ANKRD22: variants seen among roughly 807,000 people sequenced by gnomAD.
ANKRD22 encodes the protein ankyrin repeat domain-containing protein 22.
A neutral mutation model predicts 25.7 loss-of-function variants in ANKRD22; 24 were observed. The observed-to-expected ratio is 0.93, with a 90% CI of 0.68 to 1.31. The LOEUF is 1.31. Ranked by LOEUF, ANKRD22 falls within the 50% of genes most tolerant of loss-of-function variation. The pLI, the probability that ANKRD22 is intolerant of heterozygous loss-of-function variation, is 0.00. For synonymous variants in ANKRD22, 84 were observed against 84.3 expected (o/e 1.00, Z 0.02); for missense variants, 214 against 227.1 (o/e 0.94, Z 0.37).
rs889999918 is a variant in ANKRD22 at position 88,828,617 on chromosome 10, A to T, written c.263T>A (p.Ile88Asn). Residue 88 changes from isoleucine to asparagine, a missense_variant, in exon 3 of 6, where the codon ATT becomes AAT. Transcript: ENST00000371930. ...TAAGAGGATAATTAGTAGATAATCA[A>T]TGAAGGTAAATTTTTTCTTCACAGC... ...HYAVKKKFTF[I>N]DYLLIILLMP... The T allele has an allele frequency of 1.9e-6, 3 of 1,611,006 alleles. No individual in the cohort carries two copies. Among genetic ancestry groups the T allele is most frequent in the Non-Finnish European group, 2.5e-6 (3 of 1,178,376 alleles).
Position 88,851,624 on chromosome 10 carries a change from C to T in ANKRD22, c.-17G>A, listed in dbSNP as rs369226743. The T allele has an allele frequency of 1.2e-6, 2 of 1,613,116 alleles. No individual in the cohort carries two copies. The highest frequency in any genetic ancestry group is 1.7e-6 in the Non-Finnish European group (2 of 1,179,338). On this transcript the variant is annotated 5_prime_UTR_variant, in exon 1 of 6. Transcript: ENST00000371930. ...GATTCCCATGCTGGTCCTTCACAGG[C>T]TTACTTCACCTCTACAGCTCCTTGA...
chr10:88,830,162 C>T (rs1471138986), intron 2 of ANKRD22, among the ~76,000 whole-genome samples: 1 of 152,180 alleles, frequency 6.6e-6, no homozygotes, highest in Admixed American at 6.5e-5. Context: ...TTTTTGTCAA[C>T]ATTTCCAAAT....
At position 88,821,662 on chromosome 10, in the gene ANKRD22, C is replaced by T. The variant is rs1311965538; in HGVS notation, c.*1279G>A. ...CTTCATAAAATAAGTTTCTTAAATC[C>T]TGTACACAGTTGAATATATATTGCT... On this transcript the variant is annotated 3_prime_UTR_variant, in exon 6 of 6. Coordinates refer to ENST00000371930, the MANE Select transcript of ANKRD22 (RefSeq NM_144590.3). 6.6e-6 allele frequency among the ~76,000 whole-genome samples: 1 copy of T among 152,134 alleles called. No individual in the cohort carries two copies. The highest frequency in any genetic ancestry group is 6.5e-5 in the Admixed American group (1 of 15,282).
chr10:88,823,698 G>A (rs532871759), intron 4 of ANKRD22, among the ~76,000 whole-genome samples: 1 of 151,952 alleles, frequency 6.6e-6, no homozygotes, highest in East Asian at 1.9e-4. Flanking sequence ...CGCGGTGGCG[G>A]GTGCCTGTAG....
chr10:88,829,879 C>T (rs190747747), intron 2 of ANKRD22, among the ~76,000 whole-genome samples: 2 of 152,188 alleles, frequency 1.3e-5, no homozygotes, highest in Admixed American at 6.5e-5. Flanking sequence ...TGGTCTCAAG[C>T]GATCCTTCAA....
At chr10:88,830,035 C>T (rs1275586688) in intron 2 of ANKRD22, among the ~76,000 whole-genome samples, 1 of 152,158 alleles carries the variant, frequency 6.6e-6, no homozygotes, top group African/African-American at 2.4e-5. Context: ...ACTATCCTTC[C>T]ACCTTGGCCT....
In ANKRD22 at chr10:88,824,526, T is replaced by A. The variant is rs759669072; in HGVS notation, c.400-1148A>T. Among the ~76,000 whole-genome samples, 11 of 152,244 alleles carry A rather than the reference T, an allele frequency of 7.2e-5. 1 individual carries two copies. Among genetic ancestry groups the A allele is most frequent in the South Asian group, 2.1e-4 (1 of 4,838 alleles). On this transcript the variant is annotated intron_variant, in intron 4 of 5. Transcript: ENST00000371930. ...TATCCAAAAATACAAAACACTGTCT[T>A]ACCTAGAAAGTAGATTTTAATACTC...
chr10:88,834,141 C>T (rs1447491890), intron 1 of ANKRD22, among the ~76,000 whole-genome samples: 1 of 152,188 alleles, frequency 6.6e-6, no homozygotes, highest in African/African-American at 2.4e-5. Context: ...CAGTGACTTG[C>T]CATTGTCCTA....
chr10:88,825,593 A>G (rs900767072), intron 4 of ANKRD22, among the ~76,000 whole-genome samples: 1 of 152,252 alleles, frequency 6.6e-6, no homozygotes, highest in Non-Finnish European at 1.5e-5. Flanking sequence ...GCTTTACATG[A>G]ACAAGCCCAA....
chr10:88,829,686 G>T (rs993630666), intron 2 of ANKRD22, among the ~76,000 whole-genome samples: 1 of 152,134 alleles, frequency 6.6e-6, no homozygotes. Context: ...GATTGTAATG[G>T]CTGCATGGCT....
intron 1 of ANKRD22, among the ~76,000 whole-genome samples, chr10:88,833,244 C>T (rs1843923955): frequency 6.6e-6 from 1 of 151,342 alleles, no homozygotes; most frequent in African/African-American, 2.5e-5. Flanking sequence ...TATTTTTAGA[C>T]TAATCTTCAG....
In ANKRD22 at chr10:88,820,506, T is replaced by G. The variant is rs1843779035; in HGVS notation, c.*2435A>C. 6.5e-7 allele frequency: 1 copy of G among 1,548,464 alleles called. No homozygotes were observed. Among genetic ancestry groups the G allele is most frequent in the Non-Finnish European group, 8.7e-7 (1 of 1,146,130 alleles). On this transcript the variant is annotated 3_prime_UTR_variant, in exon 6 of 6. Transcript: ENST00000371930. ...CGGTGTGAGGCCGTATTGTGAAGCA[T>G]CTGACACTGACGATCTTAGGACAAC...
At chr10:88,847,353 G>A (rs1227574986) in intron 1 of ANKRD22, among the ~76,000 whole-genome samples, 1 of 152,108 alleles carries the variant, frequency 6.6e-6, no homozygotes, top group African/African-American at 2.4e-5. Flanking sequence ...CTGCCTCCCA[G>A]GTTCAAGCAA....
At chr10:88,832,235 A>C (rs1354872132) in intron 1 of ANKRD22, among the ~76,000 whole-genome samples, 1 of 152,106 alleles carries the variant, frequency 6.6e-6, no homozygotes, top group African/African-American at 2.4e-5. Flanking sequence ...ACATTTTCCT[A>C]AGTTTTCTTG....
chr10:88,839,026 CACTG>C (rs1843980824), intron 1 of ANKRD22, among the ~76,000 whole-genome samples: 1 of 152,194 alleles, frequency 6.6e-6, no homozygotes, highest in Non-Finnish European at 1.5e-5. Context: ...TGATAGGGCC[CACTG>C]ACTAACTTTT....
At chr10:88,829,954 A>G (rs1837835) in intron 2 of ANKRD22, among the ~76,000 whole-genome samples, 127,790 of 152,114 alleles carry the variant, frequency 0.84, 54,166 homozygotes, top group East Asian at 1. Context: ...TTTTTTACTT[A>G]TTATTATTTT....
chr10:88,831,211 T>A (rs1168671276), intron 2 of ANKRD22, among the ~76,000 whole-genome samples: 1 of 152,226 alleles, frequency 6.6e-6, no homozygotes, highest in African/African-American at 2.4e-5. Flanking sequence ...CAGAAAGGGC[T>A]CCACAAGGAT....
intron 1 of ANKRD22, among the ~76,000 whole-genome samples, chr10:88,849,611 A>C (rs1474083345): frequency 1.3e-5 from 2 of 152,296 alleles, no homozygotes; most frequent in East Asian, 3.9e-4. Flanking sequence ...GGATACTAAA[A>C]GTGACTCTTA....
At chr10:88,843,354 A>G (rs1375532546) in intron 1 of ANKRD22, among the ~76,000 whole-genome samples, 4 of 152,132 alleles carry the variant, frequency 2.6e-5, no homozygotes, top group African/African-American at 9.7e-5. Context: ...CCAAAGGTCA[A>G]CTGTTGGTAA....
Sources: allele counts gnomAD v4.1 joint callset (sites outside exome capture counted in the v4.1 genomes callset), GRCh38; gene constraint gnomAD v4.1.1; transcripts MANE v1.5; gene names NCBI Gene and HGNC (gene_info 2026-07-23, HGNC 2026-07-21).